The following SND1 variants were observed in gnomAD, a reference collection of about 807,000 sequenced individuals.
The protein encoded by SND1 is staphylococcal nuclease domain-containing protein 1.
In SND1, 38 loss-of-function variants were observed where a neutral mutation model predicts 121.7. The ratio of observed to expected loss-of-function variants is 0.31; its 90% CI spans 0.24 to 0.41. SND1 has a LOEUF of 0.41. SND1 is among the 10% of genes least tolerant of loss of function. SND1 has a pLI of 1.00. For missense variants in SND1, 868 were observed against 1,184.6 expected (o/e 0.73, Z 3.92); for synonymous variants, 401 against 447.4 (o/e 0.90, Z 1.31).
At chr7:128,068,696 G>T (rs1793358534) in intron 16 of SND1, among the ~76,000 whole-genome samples, 1 of 152,180 alleles carries the variant, frequency 6.6e-6, no homozygotes, top group African/African-American at 2.4e-5. Flanking sequence ...GCTGCTCCAT[G>T]CTCTTCTTTT....
intron 10 of SND1, among the ~76,000 whole-genome samples, chr7:127,773,043 A>C (rs1399872859): frequency 6.6e-6 from 1 of 152,246 alleles, no homozygotes; most frequent in African/African-American, 2.4e-5. Flanking sequence ...CTGAATGGAG[A>C]AACCACAGTG....
At chr7:127,706,281 G>T (rs577958988) in intron 8 of SND1, among the ~76,000 whole-genome samples, 2 of 112,584 alleles carry the variant, frequency 1.8e-5, no homozygotes, top group African/African-American at 7.3e-5. Flanking sequence ...TTTTTGAGAC[G>T]GAGTCTTGCT....
intron 15 of SND1, among the ~76,000 whole-genome samples, chr7:127,966,332 T>G (rs997636695): frequency 6.7e-6 from 1 of 148,866 alleles, no homozygotes; most frequent in Non-Finnish European, 1.5e-5. Context: ...GGAATTGAAC[T>G]CAGCTCTGCA....
At chr7:127,697,753 G>A (rs1224029041) in intron 3 of SND1, among the ~76,000 whole-genome samples, 1 of 152,196 alleles carries the variant, frequency 6.6e-6, no homozygotes, top group Non-Finnish European at 1.5e-5. Flanking sequence ...ATTTGGGCAT[G>A]ATAATGGCGA....
At chr7:127,708,003 T>C (rs1318252962) in intron 9 of SND1, among the ~76,000 whole-genome samples, 1 of 152,192 alleles carries the variant, frequency 6.6e-6, no homozygotes, top group East Asian at 1.9e-4. Context: ...ACTTAAGATA[T>C]TTTGACTTTA....
chr7:127,746,037 T>C (rs963402448), intron 10 of SND1, among the ~76,000 whole-genome samples: 4 of 152,200 alleles, frequency 2.6e-5, no homozygotes, highest in South Asian at 4.1e-4. Context: ...AGCTGTGACC[T>C]GTGTGTGTCA....
intron 10 of SND1, among the ~76,000 whole-genome samples, chr7:127,785,304 A>G (rs1797792164): frequency 6.6e-6 from 1 of 152,254 alleles, no homozygotes; most frequent in Admixed American, 6.5e-5. Context: ...AGGGCTAGTC[A>G]TGAAGCCCTC....
chr7:128,033,831 G>A (rs1792698256), intron 16 of SND1, among the ~76,000 whole-genome samples: 4 of 152,162 alleles, frequency 2.6e-5, no homozygotes, highest in Non-Finnish European at 4.4e-5. Context: ...AAGAAACTTG[G>A]GTGTGGAAGT....
intron 2 of SND1, among the ~76,000 whole-genome samples, chr7:127,691,564 TAAAA>T (rs1281748173): frequency 2.6e-5 from 4 of 151,874 alleles, no homozygotes; most frequent in Admixed American, 2.0e-4. Flanking sequence ...AATAATTAAA[TAAAA>T]CAAACTAAAA....
intron 10 of SND1, among the ~76,000 whole-genome samples, chr7:127,777,581 A>C (rs1797644330): frequency 6.6e-6 from 1 of 152,220 alleles, no homozygotes; most frequent in African/African-American, 2.4e-5. Context: ...TTACTGGATG[A>C]GATGGGATAT....
chr7:128,008,120 G>T (rs917993730), intron 16 of SND1: 3 of 152,232 alleles, frequency 2.0e-5, no homozygotes, highest in African/African-American at 7.2e-5. Flanking sequence ...GGGAGTAGGT[G>T]ATGTGATGGA....
chr7:127,728,100 G>A lies in SND1; in HGVS notation c.1152+6700G>A, dbSNP rs888365842. 2.6e-5 allele frequency among the ~76,000 whole-genome samples: 4 copies of A among 152,138 alleles called. No homozygotes were observed. The East Asian group carries it at 7.7e-4, about 29-fold the overall frequency. On this transcript the variant is annotated intron_variant, in intron 10 of 23. Coordinates refer to ENST00000354725, the MANE Select transcript of SND1 (RefSeq NM_014390.4). ...GATCTCTCTAAGTGAATTTTAAACT[G>A]GAGAAGACAGCATGTGCCTGTCTTG...
At chr7:127,803,689 G>T (rs560965722) in intron 10 of SND1, among the ~76,000 whole-genome samples, 2 of 152,248 alleles carry the variant, frequency 1.3e-5, no homozygotes, top group African/African-American at 4.8e-5. Flanking sequence ...CTGAATGGGG[G>T]TTGAGAATAA....
At chr7:127,775,931 A>G (rs1290634723) in intron 10 of SND1, among the ~76,000 whole-genome samples, 1 of 152,190 alleles carries the variant, frequency 6.6e-6, no homozygotes, top group Non-Finnish European at 1.5e-5. Flanking sequence ...TTGCATATGT[A>G]TTTATAAATT....
intron 10 of SND1, among the ~76,000 whole-genome samples, chr7:127,780,979 A>G (rs1354872732): frequency 6.6e-6 from 1 of 152,228 alleles, no homozygotes; most frequent in Non-Finnish European, 1.5e-5. Context: ...CATTGCAGAG[A>G]CACTGTAATA....
Position 128,084,841 on chromosome 7 carries a change from G to A in SND1, c.2228G>A (p.Gly743Glu), listed in dbSNP as rs755668942. Residue 743 changes from glycine (G) to glutamate (E), a missense_variant, in exon 19 of 24, where the codon GGA becomes GAA. Transcript: ENST00000354725. Reference protein sequence around the residue: ...GEFCIAKFVDGEWYRARVEKV... With the variant: ...GEFCIAKFVDEEWYRARVEKV... ...TTCTGCATTGCCAAATTTGTAGATGGAGAATGGTAAGCCACTTGGAAAAGC... is the reference window on the plus strand; with the variant it reads ...TTCTGCATTGCCAAATTTGTAGATGAAGAATGGTAAGCCACTTGGAAAAGC... 3 of 1,595,016 alleles carry A rather than the reference G, an allele frequency of 1.9e-6. No individual in the cohort carries two copies. In the South Asian group the frequency reaches 3.4e-5, roughly 18 times the overall value.
chr7:127,852,680 G>A (rs1413119848), intron 12 of SND1, among the ~76,000 whole-genome samples: 3 of 151,724 alleles, frequency 2.0e-5, no homozygotes, highest in Non-Finnish European at 2.9e-5. Context: ...GTGTGGTGGC[G>A]CACGCCTATA....
chr7:127,860,184 T>C (rs1799350255), intron 12 of SND1, among the ~76,000 whole-genome samples: 1 of 152,174 alleles, frequency 6.6e-6, no homozygotes, highest in African/African-American at 2.4e-5. Context: ...TATGCTTCCT[T>C]AATGTGTGTC....
At chr7:127,945,057 G>A (rs1316635940) in intron 15 of SND1, among the ~76,000 whole-genome samples, 1 of 152,156 alleles carries the variant, frequency 6.6e-6, no homozygotes, top group Non-Finnish European at 1.5e-5. Flanking sequence ...ATGCTTGAGG[G>A]TAGGGACCTT....
Sources: allele counts gnomAD v4.1 joint callset (sites outside exome capture counted in the v4.1 genomes callset), GRCh38; gene constraint gnomAD v4.1.1; transcripts MANE v1.5; gene names NCBI Gene and HGNC (gene_info 2026-07-23, HGNC 2026-07-21).